The following NOS2 variants were observed in gnomAD, a reference collection of about 807,000 sequenced individuals.
NOS2 encodes the protein nitric oxide synthase 2, also known as nitric oxide synthase, inducible.
A neutral mutation model predicts 136.0 loss-of-function variants in NOS2; 96 were observed. The observed-to-expected ratio is 0.71, with a 90% CI of 0.60 to 0.84. NOS2 has a LOEUF of 0.84. Ranked by LOEUF, NOS2 falls within the 40% of genes least tolerant of loss-of-function variation. NOS2 has a pLI of 0.00. For missense variants in NOS2, 1,237 were observed against 1,496.9 expected, an observed-to-expected ratio of 0.83 and a Z score of 2.87; for synonymous variants, 539 against 587.5, an observed-to-expected ratio of 0.92 and a Z score of 1.20.
intron 17 of NOS2, 21 bp downstream of exon 17, chr17:27,768,956 C>T: frequency 1.3e-6 from 2 of 1,574,656 alleles, no homozygotes; most frequent in Non-Finnish European, 1.7e-6. Flanking sequence ...TGCTGTGGGG[C>T]AGCTCTGGCT....
rs1908353238 is a variant in NOS2 at position 27,767,776 on chromosome 17, G to A, written c.2096C>T (p.Thr699Ile). ...KQHIQIPKLYTSNVTWDPHHY... is the reference protein window; with the variant it reads ...KQHIQIPKLYISNVTWDPHHY... ...GTGCGGGTCCCAGGTCACATTGGAG[G>A]TGTAGAGCTTGGGGATCTGAATGTG... is the stretch of plus-strand genomic sequence containing the variant. Residue 699 changes from threonine (T) to isoleucine (I), a missense_variant, in exon 18 of 27, where the codon ACC becomes ATC. This residue lies in a region of NOS2 where 782 missense variants were observed against 909.9 expected (regional missense o/e 0.86). Transcript: ENST00000313735. The A allele has an allele frequency of 6.2e-7, 1 of 1,612,992 alleles. No individual in the cohort carries two copies. Among genetic ancestry groups the A allele is most frequent in the Non-Finnish European group, 8.5e-7 (1 of 1,180,008 alleles).
chr17:27,765,440 G>T, intron 20 of NOS2, 95 bp downstream of exon 20: 1 of 1,170,818 alleles, frequency 8.5e-7, no homozygotes, highest in East Asian at 2.5e-5. Context: ...GAAGGACAGG[G>T]ATGGCTGTCA....
chr17:27,790,113 A>C (rs1909145815), intron 2 of NOS2, among the ~76,000 whole-genome samples: 1 of 152,160 alleles, frequency 6.6e-6, no homozygotes, highest in South Asian at 2.1e-4. Context: ...ATATTTTTTG[A>C]AACAGAGCCT....
chr17:27,788,196 G>GTGCACACACA (rs112336932), intron 4 of NOS2, among the ~76,000 whole-genome samples: 2 of 149,646 alleles, frequency 1.3e-5, no homozygotes, highest in Non-Finnish European at 3.0e-5. Context: ...GCACACGCGT[G>GTGCACACACA]CACACACACA....
In NOS2 at chr17:27,787,793, AC is replaced by A; in HGVS notation, c.351del (p.Ser118ProfsTer3). 1 of 1,612,428 alleles carries A rather than the reference AC, an allele frequency of 6.2e-7. No homozygotes were observed. Among genetic ancestry groups the A allele is most frequent in the Non-Finnish European group, 8.5e-7 (1 of 1,179,286 alleles). On this transcript the variant is annotated frameshift_variant, in exon 5 of 27. Coordinates refer to ENST00000313735, the MANE Select transcript of NOS2 (RefSeq NM_000625.4). LOFTEE classifies it high-confidence loss of function. ...ILTCRSKSCL[G>X]SIMTPKSLTR... ...GTCAAACTTTTGGGAGTCATAATGG[AC>A]CCCAGGCAAGATTTGGACCTGCAAG...
intron 3 of NOS2, 106 bp downstream of exon 3, chr17:27,789,498 A>G: frequency 2.3e-6 from 2 of 869,550 alleles, no homozygotes; most frequent in Non-Finnish European, 3.8e-6. Flanking sequence ...TCTCCATCCA[A>G]ACCCTGGCTT....
intron 2 of NOS2, among the ~76,000 whole-genome samples, chr17:27,794,053 A>G (rs953507978): frequency 6.6e-6 from 1 of 152,232 alleles, no homozygotes; most frequent in Non-Finnish European, 1.5e-5. Flanking sequence ...TCTAGTTTAC[A>G]GAGCAAATTT....
intron 3 of NOS2, 145 bp downstream of exon 3, chr17:27,789,459 C>G: frequency 1.5e-6 from 1 of 670,146 alleles, no homozygotes; most frequent in Non-Finnish European, 2.7e-6. Flanking sequence ...ACCTGTTCCC[C>G]CCAACACCCC....
At chr17:27,777,136 G>C (rs28999389) in intron 11 of NOS2, among the ~76,000 whole-genome samples, 172 of 152,340 alleles carry the variant, frequency 1.1e-3, no homozygotes, top group African/African-American at 4.0e-3. Flanking sequence ...GTCAAGCACA[G>C]GCCTGATCTG....
intron 5 of NOS2, among the ~76,000 whole-genome samples, chr17:27,783,949 G>C (rs1271361059): frequency 6.6e-6 from 1 of 152,150 alleles, no homozygotes; most frequent in Non-Finnish European, 1.5e-5. Flanking sequence ...CAGTCTGCAG[G>C]GTCCCAGGGC....
chr17:27,770,866 C>G lies in NOS2; in HGVS notation c.1809+47G>C, dbSNP rs200166772. 9 of 1,436,566 alleles carry G rather than the reference C, an allele frequency of 6.3e-6. No individual in the cohort carries two copies. In the East Asian group the frequency reaches 2.1e-4, roughly 33 times the overall value. The allele number at this position is 1,436,566 out of a possible 1,614,324, so 89.0% of individuals were successfully genotyped here. A position where few individuals can be genotyped will look rare whatever the true frequency, so the allele number is the denominator to read the frequency against. ...TCCCCCAGACCCTTTCCTGGGTCCT[C>G]CCGTGCCCTACCACCCCCTAGACCA... On this transcript the variant is annotated intron_variant, in intron 15 of 26. Coordinates refer to ENST00000313735, the MANE Select transcript of NOS2 (RefSeq NM_000625.4).
chr17:27,778,957 G>A lies in NOS2; in HGVS notation c.1104C>T (p.Pro368=). Residue 368 remains proline, a synonymous_variant, in exon 10 of 27, where the codon CCC becomes CCT. Coordinates refer to ENST00000313735, the MANE Select transcript of NOS2 (RefSeq NM_000625.4). ...EVGGLEFPGC[P]FNGWYMGTEI... is the part of the protein sequence containing the mutation. ...CTGTGCCCATGTACCAGCCATTGAAGGGGCACCCTGGGAACTCCAGGCCGC... is the reference window on the plus strand; with the variant it reads ...CTGTGCCCATGTACCAGCCATTGAAAGGGCACCCTGGGAACTCCAGGCCGC... 1 of 1,613,020 alleles carries A rather than the reference G, an allele frequency of 6.2e-7. No individual in the cohort carries two copies. Among genetic ancestry groups the A allele is most frequent in the Non-Finnish European group, 8.5e-7 (1 of 1,179,226 alleles).
intron 17 of NOS2, 67 bp from the exon 18 acceptor site, chr17:27,767,904 C>A (rs1908360383): frequency 6.3e-7 from 1 of 1,598,710 alleles, no homozygotes; most frequent in Non-Finnish European, 8.5e-7. Context: ...ACTGGGGCTA[C>A]CACTTTTTAG....
At position 27,769,090 on chromosome 17, in the gene NOS2, T is replaced by C. The variant is rs779660484; in HGVS notation, c.1921A>G (p.Ile641Val). ...CCCAGGTGGGACAGCTTCTGATCAA[T>C]GTCATGAGCAAAGGCGCAGAACCGA... ...YPRFCAFAHD[I>V]DQKLSHLGAS... is the part of the protein sequence containing the mutation. The change falls in exon 17 of 27, where the codon ATT (isoleucine) becomes GTT (valine). Residue 641 changes from isoleucine (I) to valine (V), a missense_variant. Ile to Val is a conservative substitution (Grantham distance 29). This residue lies in a region of NOS2 where 782 missense variants were observed against 909.9 expected (regional missense o/e 0.86). Coordinates refer to ENST00000313735, the MANE Select transcript of NOS2 (RefSeq NM_000625.4). 3.7e-6 allele frequency: 6 copies of C among 1,612,904 alleles called. No individual in the cohort carries two copies. The highest frequency in any genetic ancestry group is 5.1e-6 in the Non-Finnish European group (6 of 1,179,826).
At chr17:27,787,581 A>T (rs1166981601) in intron 5 of NOS2, 97 bp downstream of exon 5, 17 of 966,426 alleles carry the variant, frequency 1.8e-5, no homozygotes, top group Non-Finnish European at 2.4e-5. Context: ...AAATCTGGAA[A>T]GAAAAGGGAT....
intron 2 of NOS2, among the ~76,000 whole-genome samples, chr17:27,798,472 G>A (rs1440577979): frequency 1.3e-5 from 2 of 151,848 alleles, no homozygotes; most frequent in African/African-American, 4.8e-5. Flanking sequence ...GCTTCTTCAG[G>A]GCCAGCCCCG....
chr17:27,760,165 GCCTCC>G lies in NOS2; in HGVS notation c.3019_3023del (p.Gly1007ProfsTer13), dbSNP rs1567632126. Reference sequence around the variant, plus strand: ...GGCACCCAAACACCAAGGTCATGCGGCCTCCCCGCACTCCTGCAGGAGTCCCGGGC... The same window carrying G: ...GGCACCCAAACACCAAGGTCATGCGGCCGCACTCCTGCAGGAGTCCCGGGC... On this transcript the variant is annotated frameshift_variant, in exon 25 of 27. Coordinates refer to ENST00000313735, the MANE Select transcript of NOS2 (RefSeq NM_000625.4). LOFTEE classifies it high-confidence loss of function. The G allele has an allele frequency of 6.3e-7, 1 of 1,580,672 alleles. No homozygotes were observed.
At chr17:27,773,711 C>T (rs1274340097) in intron 12 of NOS2, among the ~76,000 whole-genome samples, 1 of 152,274 alleles carries the variant, frequency 6.6e-6, no homozygotes, top group African/African-American at 2.4e-5. Context: ...AAATCCAACC[C>T]AAGTCCTTTT....
In NOS2 at chr17:27,759,059, A is replaced by G; in HGVS notation, c.3176T>C (p.Ile1059Thr). 1.9e-6 allele frequency: 3 copies of G among 1,602,316 alleles called. No individual in the cohort carries two copies. Among genetic ancestry groups the G allele is most frequent in the Non-Finnish European group, 2.6e-6 (3 of 1,174,990 alleles). Residue 1059 changes from isoleucine to threonine, a missense_variant, in exon 26 of 27, where the codon ATC (isoleucine) becomes ACC (threonine). Transcript: ENST00000313735. ...CTCGCTGGCCAGCTGCTGCCGCAGG[A>G]TGTCCTGAACATAGACCTGAAACCA... ...PGKPKVYVQDILRQQLASEVL... is the reference protein window; with the variant it reads ...PGKPKVYVQDTLRQQLASEVL...
Sources: allele counts gnomAD v4.1 joint callset (sites outside exome capture counted in the v4.1 genomes callset), GRCh38; gene constraint gnomAD v4.1.1; regional missense constraint gnomAD v4.1.1; transcripts MANE v1.5; gene names NCBI Gene and HGNC (gene_info 2026-07-23, HGNC 2026-07-21).